The following MYOM1 variants were observed in gnomAD, a reference collection of about 807,000 sequenced individuals.
MYOM1 encodes the protein myomesin 1, also known as myomesin-1.
A neutral mutation model predicts 205.3 loss-of-function variants in MYOM1; 164 were observed. That is an observed-to-expected ratio of 0.80 (90% CI 0.70 to 0.91). The LOEUF (loss-of-function observed/expected upper bound fraction) is 0.91, where lower values mean the gene tolerates loss of function less well. Ranked by LOEUF, MYOM1 falls within the 40% of genes least tolerant of loss-of-function variation. The probability of loss-of-function intolerance (pLI) is 0.00; values close to 1 mark genes in which losing one functional copy is unlikely to be tolerated. For missense variants in MYOM1, 2,011 were observed against 2,127.3 expected, an observed-to-expected ratio of 0.95 and a Z score of 1.08; for synonymous variants, 772 against 789.4, an observed-to-expected ratio of 0.98 and a Z score of 0.37.
intron 18 of MYOM1, among the ~76,000 whole-genome samples, chr18:3,128,501 C>G (rs889774849): frequency 3.9e-5 from 6 of 152,136 alleles, no homozygotes; most frequent in African/African-American, 1.2e-4. Context: ...TTAAATAAAT[C>G]ACTTCTGGGA....
At chr18:3,167,885 G>T (rs1193434025) in intron 9 of MYOM1, among the ~76,000 whole-genome samples, 3 of 152,110 alleles carry the variant, frequency 2.0e-5, no homozygotes, top group East Asian at 3.8e-4. Flanking sequence ...CATGGCTCTA[G>T]GCCCTTTTGA....
intron 2 of MYOM1, among the ~76,000 whole-genome samples, chr18:3,197,056 T>C (rs1171753510): frequency 1.3e-5 from 2 of 151,982 alleles, no homozygotes; most frequent in Non-Finnish European, 1.5e-5. Flanking sequence ...AGTGAGTTGG[T>C]GGTGAACTGG....
intron 9 of MYOM1, among the ~76,000 whole-genome samples, chr18:3,165,616 CTTTTA>C (rs1410782734): frequency 6.6e-6 from 1 of 152,176 alleles, no homozygotes; most frequent in Non-Finnish European, 1.5e-5. Context: ...TACATGTACA[CTTTTA>C]TTTTATAATA....
the MYOM1 span, among the ~76,000 whole-genome samples, chr18:3,239,756 CAAAAAAA>C: frequency 4.9e-3 from 206 of 42,226 alleles, 1 homozygote; most frequent in East Asian, 0.017. Context: ...CACCTTGTCT[CAAAAAAA>C]AAAAAAAAAA....
At chr18:3,134,901 C>T in intron 15 of MYOM1, 77 bp from the exon 16 acceptor site, 2 of 1,422,308 alleles carry the variant, frequency 1.4e-6, no homozygotes, top group South Asian at 1.2e-5. Flanking sequence ...CAAACACACA[C>T]CTAGGTATTT....
intron 2 of MYOM1, among the ~76,000 whole-genome samples, chr18:3,196,144 A>G (rs926993185): frequency 2.6e-5 from 4 of 152,208 alleles, no homozygotes; most frequent in Non-Finnish European, 4.4e-5. Flanking sequence ...ACGTTTATGT[A>G]TTGAGGCTAC....
At position 3,187,480 on chromosome 18, in the gene MYOM1, C is replaced by A; in HGVS notation, c.929G>T (p.Trp310Leu). ...IAGWPEPRVT[W>L]YKNQVPINVH... ...GTTAGCTTTCATAAAGATAACATAC[C>A]ACGTGACACGAGGTTCTGGCCAGCC... The change falls in exon 5 of 38, where the codon TGG (tryptophan) becomes TTG (leucine). Residue 310 changes from tryptophan to leucine, a missense_variant and splice_region_variant. Physicochemically the swap from Trp to Leu is moderately conservative, Grantham distance 61 (BLOSUM62 -2). Transcript: ENST00000356443. 6.2e-7 allele frequency: 1 copy of A among 1,612,264 alleles called. No homozygotes were observed. The highest frequency in any genetic ancestry group is 8.5e-7 in the Non-Finnish European group (1 of 1,178,748).
chr18:3,235,076 T>C, the MYOM1 span, among the ~76,000 whole-genome samples: 4 of 152,090 alleles, frequency 2.6e-5, no homozygotes, highest in Non-Finnish European at 5.9e-5. Context: ...TTTGATATTG[T>C]TTTTTCCATC....
intron 16 of MYOM1, among the ~76,000 whole-genome samples, chr18:3,132,916 G>A (rs1248369262): frequency 1.3e-5 from 2 of 152,056 alleles, no homozygotes; most frequent in African/African-American, 4.8e-5. Context: ...GGAAATAACA[G>A]GTCTGCTAAC....
the MYOM1 span, among the ~76,000 whole-genome samples, chr18:3,237,624 G>GAAAAAAAAAAAAAAAAAAAAAAAAAAA: frequency 7.2e-6 from 1 of 138,018 alleles, no homozygotes. Context: ...AAAAAAAAAG[G>GAAAAAAAAAAAAAAAAAAAAAAAAAAA]AAATACATTC....
At position 3,158,322 on chromosome 18, in the gene MYOM1, G is replaced by A. The variant is rs867060531; in HGVS notation, c.1502-3234C>T. ...CTGTGTGGTATGTCATCGTTTCATG[G>A]AGCATCTATTATACTTTACTCTACA... On this transcript the variant is annotated intron_variant, in intron 10 of 37. Coordinates refer to ENST00000356443, the MANE Select transcript of MYOM1 (RefSeq NM_003803.4). Among the ~76,000 whole-genome samples the A allele has an allele frequency of 8.7e-4, 132 of 152,270 alleles. 3 individuals carry two copies. Among genetic ancestry groups the A allele is most frequent in the Non-Finnish European group, 3.7e-4 (25 of 68,020 alleles).
At chr18:3,176,814 G>A (rs564582978) in intron 5 of MYOM1, among the ~76,000 whole-genome samples, 1 of 152,082 alleles carries the variant, frequency 6.6e-6, no homozygotes. Flanking sequence ...CCCAGGAGGC[G>A]GAGGTTGCAG....
intron 14 of MYOM1, among the ~76,000 whole-genome samples, chr18:3,141,542 C>T (rs192686588): frequency 7.4e-4 from 112 of 152,254 alleles, no homozygotes; most frequent in Non-Finnish European, 9.7e-4. Flanking sequence ...TCTAGCCTCA[C>T]GATGTTCATG....
the MYOM1 span, among the ~76,000 whole-genome samples, chr18:3,244,942 A>C: frequency 1.3e-5 from 2 of 151,518 alleles, no homozygotes; most frequent in African/African-American, 4.8e-5. Context: ...AATACAAAAA[A>C]AAAAATTTAA....
At chr18:3,150,083 G>A (rs2033411701) in intron 12 of MYOM1, among the ~76,000 whole-genome samples, 1 of 152,032 alleles carries the variant, frequency 6.6e-6, no homozygotes, top group African/African-American at 2.4e-5. Flanking sequence ...ATTTTCAGAT[G>A]GAGTCTCGCT....
the MYOM1 span, among the ~76,000 whole-genome samples, chr18:3,226,057 C>T: frequency 3.6e-3 from 554 of 152,288 alleles, 3 homozygotes; most frequent in African/African-American, 0.011. The surrounding 1 kb of genome is among the most constrained non-coding windows in gnomAD (Gnocchi z 4.6). Context: ...TAATGGCATT[C>T]GCAACTAGAA....
chr18:3,119,684 TCA>T (rs2079656435), intron 20 of MYOM1, among the ~76,000 whole-genome samples, 183 bp downstream of exon 20: 1 of 152,228 alleles, frequency 6.6e-6, no homozygotes, highest in Non-Finnish European at 1.5e-5. Flanking sequence ...GAATTTATAC[TCA>T]GTTTTACATT....
rs759388087 is a variant in MYOM1, at chr18:3,174,135, A to C, written c.1096T>G (p.Ser366Ala). ...GCAAACCTACTTTTTACCACAACTG[A>C]AGCATATGCCGAAAGCTCTCCTTTA... ...NVKGELSAYA[S>A]VVVKRYKGEF... The change falls in exon 7 of 38, where the codon TCA becomes GCA. Residue 366 changes from serine to alanine, a missense_variant. Transcript: ENST00000356443. 13 of 1,613,908 alleles carry C rather than the reference A, an allele frequency of 8.1e-6. No individual in the cohort carries two copies. In the East Asian group the frequency reaches 2.7e-4, roughly 33 times the overall value.
Position 3,112,384 on chromosome 18 carries a change from T to C in MYOM1, c.3332A>G (p.Tyr1111Cys). 1 of 1,610,718 alleles carries C rather than the reference T, an allele frequency of 6.2e-7. No individual in the cohort carries two copies. Residue 1111 changes from tyrosine (Y) to cysteine (C), a missense_variant, in exon 22 of 38, where the codon TAC becomes TGC. Physicochemically the swap from Tyr to Cys is radical, Grantham distance 194. Transcript: ENST00000356443. Reference sequence around the variant, plus strand: ...GTTTATGGCTCGAACACGGAACACGTAGCTGACGCCCTCCTTGAGGCCTCG... The same window carrying C: ...GTTTATGGCTCGAACACGGAACACGCAGCTGACGCCCTCCTTGAGGCCTCG... The part of the protein sequence containing the change: ...KVRGLKEGVS[Y>C]VFRVRAINQA...
Sources: allele counts gnomAD v4.1 joint callset (sites outside exome capture counted in the v4.1 genomes callset), GRCh38; gene constraint gnomAD v4.1.1; non-coding constraint Gnocchi (gnomAD v3.1); transcripts MANE v1.5; gene names NCBI Gene and HGNC (gene_info 2026-07-23, HGNC 2026-07-21).